SPAG6: variants seen among roughly 807,000 people sequenced by gnomAD.
SPAG6 encodes sperm associated antigen 6, also known as sperm-associated antigen 6.
In SPAG6, 49 loss-of-function variants were observed where a neutral mutation model predicts 58.5. The observed-to-expected ratio is 0.84, with a 90% CI of 0.67 to 1.06. The LOEUF is 1.06. SPAG6 is among the 50% of genes least tolerant of loss of function. The pLI, the probability that SPAG6 is intolerant of heterozygous loss-of-function variation, is 0.00. For synonymous variants in SPAG6, 233 were observed against 225.6 expected, an observed-to-expected ratio of 1.03 and a Z score of -0.29; for missense variants, 560 against 611.3, an observed-to-expected ratio of 0.92 and a Z score of 0.89.
chr10:22,409,392 C>A (rs1834664782), intron 9 of SPAG6, among the ~76,000 whole-genome samples: 1 of 152,156 alleles, frequency 6.6e-6, no homozygotes, highest in African/African-American at 2.4e-5. Flanking sequence ...TTAGCAAGAT[C>A]CTTTTGTGGT....
At chr10:22,400,653 A>G (rs1588556186) in intron 8 of SPAG6, among the ~76,000 whole-genome samples, 1 of 151,826 alleles carries the variant, frequency 6.6e-6, no homozygotes, top group Non-Finnish European at 1.5e-5. Context: ...CTATAGCAGC[A>G]CCTCTGCAAA....
chr10:22,346,107 G>T, intron 2 of SPAG6: 7 of 1,471,460 alleles, frequency 4.8e-6, no homozygotes, highest in Non-Finnish European at 6.4e-6. Flanking sequence ...TACGTGAATG[G>T]GACTCTACCC....
At chr10:22,412,328 GT>G in intron 10 of SPAG6, 1 of 583,116 alleles carries the variant, frequency 1.7e-6, no homozygotes, top group South Asian at 2.2e-5. Flanking sequence ...CAACATGTCT[GT>G]TAATTCTTCC....
At chr10:22,362,267 A>T (rs914015195) in intron 2 of SPAG6, among the ~76,000 whole-genome samples, 3 of 149,714 alleles carry the variant, frequency 2.0e-5, no homozygotes, top group African/African-American at 7.3e-5. Context: ...AAAAGCCCAG[A>T]ATAATCAGGA....
chr10:22,393,910 G>A (rs907304683), intron 8 of SPAG6, among the ~76,000 whole-genome samples: 2 of 152,134 alleles, frequency 1.3e-5, no homozygotes, highest in Non-Finnish European at 2.9e-5. Flanking sequence ...CTCTATGGCA[G>A]GTTTCAAATT....
At chr10:22,370,492 A>G (rs987099110) in intron 4 of SPAG6, among the ~76,000 whole-genome samples, 14 of 152,216 alleles carry the variant, frequency 9.2e-5, no homozygotes, top group Non-Finnish European at 1.5e-5. Context: ...TTTGTTAACT[A>G]CTATACCATA....
chr10:22,361,010 A>G, intron 2 of SPAG6: 1 of 607,466 alleles, frequency 1.6e-6, no homozygotes, highest in Non-Finnish European at 2.9e-6. Flanking sequence ...TAATATGTGT[A>G]AGAGGTAAAA....
chr10:22,370,282 G>A (rs1706660471), intron 4 of SPAG6, among the ~76,000 whole-genome samples: 1 of 152,158 alleles, frequency 6.6e-6, no homozygotes, highest in South Asian at 2.1e-4. Context: ...AATATTAGCT[G>A]CTGTGTAGTG....
chr10:22,414,845 C>A (rs1052216207), intron 10 of SPAG6, among the ~76,000 whole-genome samples: 21 of 152,334 alleles, frequency 1.4e-4, no homozygotes, highest in Middle Eastern at 3.4e-3. Flanking sequence ...CGGCTCACTG[C>A]AACTGCCACC....
intron 9 of SPAG6, among the ~76,000 whole-genome samples, chr10:22,404,726 C>A (rs1390045392): frequency 3.4e-4 from 48 of 142,068 alleles, no homozygotes; most frequent in African/African-American, 1.2e-3. Context: ...TTACCTTGGG[C>A]AGTATGGCCA....
intron 10 of SPAG6, among the ~76,000 whole-genome samples, chr10:22,413,246 A>C (rs1834786832): frequency 6.6e-6 from 1 of 151,422 alleles, no homozygotes; most frequent in Admixed American, 6.6e-5. Context: ...AAATTAATCT[A>C]GTGCTGGCCA....
chr10:22,367,775 A>G (rs1837238061), intron 3 of SPAG6, among the ~76,000 whole-genome samples: 1 of 152,170 alleles, frequency 6.6e-6, no homozygotes, highest in South Asian at 2.1e-4. Context: ...CCTTAGTGAG[A>G]AACAATGCAT....
At chr10:22,410,802 T>G (rs1834712534) in intron 9 of SPAG6, among the ~76,000 whole-genome samples, 1 of 152,238 alleles carries the variant, frequency 6.6e-6, no homozygotes, top group Non-Finnish European at 1.5e-5. Flanking sequence ...TGGATCTCCA[T>G]TGCCTTTGCC....
chr10:22,346,482 TTCTTCTTCTTCTTCTTTC>T (rs1263940690), intron 2 of SPAG6, among the ~76,000 whole-genome samples: 15 of 139,880 alleles, frequency 1.1e-4, no homozygotes, highest in African/African-American at 4.8e-4. Flanking sequence ...CTTCTTCTTC[TTCTTCTTCTTCTTCTTTC>T]TTCTTCTTCT....
chr10:22,381,267 C>G (rs1361439320), intron 4 of SPAG6, among the ~76,000 whole-genome samples: 1 of 151,644 alleles, frequency 6.6e-6, no homozygotes, highest in Non-Finnish European at 1.5e-5. Flanking sequence ...TGGTTCAGGC[C>G]GTAGCAGGCC....
At chr10:22,384,945 AC>A (rs1834034513) in intron 4 of SPAG6, among the ~76,000 whole-genome samples, 1 of 152,124 alleles carries the variant, frequency 6.6e-6, no homozygotes, top group Non-Finnish European at 1.5e-5. Context: ...GTACTTTTAA[AC>A]CGTTGTAGTT....
intron 9 of SPAG6, among the ~76,000 whole-genome samples, chr10:22,402,496 T>C (rs1834438874): frequency 6.6e-6 from 1 of 152,230 alleles, no homozygotes; most frequent in Non-Finnish European, 1.5e-5. Context: ...TTCAGTTCTC[T>C]CAACTCTGTT....
intron 2 of SPAG6, among the ~76,000 whole-genome samples, chr10:22,357,888 T>C (rs990479762): frequency 1.3e-5 from 2 of 152,048 alleles, no homozygotes; most frequent in Non-Finnish European, 2.9e-5. Context: ...TCCAGCTTCA[T>C]CCATGTCCCT....
At chr10:22,399,205 T>C (rs1200216988) in intron 8 of SPAG6, among the ~76,000 whole-genome samples, 3 of 152,216 alleles carry the variant, frequency 2.0e-5, no homozygotes, top group Non-Finnish European at 4.4e-5. Context: ...TAATGATTTT[T>C]AGTAAATTTA....
Sources: gnomAD v4.1 joint callset for allele counts (sites outside exome capture counted in the v4.1 genomes callset) on GRCh38, gnomAD v4.1.1 for gene constraint, MANE v1.5 for transcripts, NCBI Gene and HGNC (gene_info 2026-07-23, HGNC 2026-07-21) for gene names.